COL24A1: variants seen among roughly 807,000 people sequenced by gnomAD.
COL24A1 encodes collagen alpha-1(XXIV) chain.
Under a neutral mutation model 253.9 loss-of-function variants are expected in COL24A1, and 224 were observed. The ratio of observed to expected loss-of-function variants is 0.88; its 90% CI spans 0.79 to 0.99. The LOEUF (loss-of-function observed/expected upper bound fraction) is 0.99. Among genes scored for constraint, COL24A1 ranks in the 50% least tolerant of loss-of-function variants. The pLI, the probability that COL24A1 is intolerant of heterozygous loss-of-function variation, is 0.00. For synonymous variants in COL24A1, 685 were observed against 673.7 expected (o/e 1.02, Z -0.26); for missense variants, 2,131 against 2,068.5 (o/e 1.03, Z -0.59).
intron 39 of COL24A1, among the ~76,000 whole-genome samples, chr1:85,844,331 A>G: frequency 6.6e-6 from 1 of 152,148 alleles, no homozygotes; most frequent in East Asian, 1.9e-4. Flanking sequence ...TCAGGAGAAA[A>G]TAAACTCTGA....
At chr1:86,049,813 T>C (rs550259091) in intron 11 of COL24A1, among the ~76,000 whole-genome samples, 2 of 152,280 alleles carry the variant, frequency 1.3e-5, no homozygotes, top group East Asian at 3.9e-4. Context: ...ACTCTTGACA[T>C]ATACTTTTGT....
At chr1:85,759,617 A>C (rs1666634432) in intron 55 of COL24A1, among the ~76,000 whole-genome samples, 1 of 152,222 alleles carries the variant, frequency 6.6e-6, no homozygotes, top group Admixed American at 6.5e-5. Context: ...GAAAAGAAGG[A>C]AACAAAGAAA....
chr1:86,035,402 A>G (rs1698916419), intron 12 of COL24A1, among the ~76,000 whole-genome samples: 1 of 152,160 alleles, frequency 6.6e-6, no homozygotes. Flanking sequence ...CTGAAACATA[A>G]GAGATGATTG....
intron 2 of COL24A1, among the ~76,000 whole-genome samples, chr1:86,143,712 G>A (rs1651475530): frequency 6.6e-6 from 1 of 152,076 alleles, no homozygotes; most frequent in Non-Finnish European, 1.5e-5. Flanking sequence ...GACAATAGTA[G>A]GAGTGGGTAA....
intron 59 of COL24A1, 31 bp from the exon 60 acceptor site, chr1:85,730,723 G>C (rs202057549): frequency 6.2e-7 from 1 of 1,610,592 alleles, no homozygotes; most frequent in East Asian, 2.2e-5. Context: ...GCTTTCATAC[G>C]CATTTCATTA....
chr1:86,050,943 G>A (rs1220418428), intron 10 of COL24A1, among the ~76,000 whole-genome samples: 1 of 152,124 alleles, frequency 6.6e-6, no homozygotes, highest in African/African-American at 2.4e-5. Flanking sequence ...CTAGATTAAG[G>A]AGAGTCTTAA....
At chr1:85,732,964 G>A (rs1400759713) in intron 59 of COL24A1, among the ~76,000 whole-genome samples, 2 of 152,124 alleles carry the variant, frequency 1.3e-5, no homozygotes, top group Non-Finnish European at 1.5e-5. Context: ...AGCAGGCTGG[G>A]GTCTGGTTGT....
At chr1:86,029,499 C>T (rs533425625) in intron 14 of COL24A1, among the ~76,000 whole-genome samples, 1 of 152,272 alleles carries the variant, frequency 6.6e-6, no homozygotes, top group Admixed American at 6.5e-5. Context: ...TTCTTTGACT[C>T]TAAATCCCAT....
chr1:85,889,855 T>G (rs1682924984), intron 31 of COL24A1, among the ~76,000 whole-genome samples: 1 of 152,034 alleles, frequency 6.6e-6, no homozygotes, highest in Non-Finnish European at 1.5e-5. Flanking sequence ...TTACCAGAAC[T>G]TTTTCATCTT....
At chr1:85,775,436 C>A (rs1668440114) in intron 53 of COL24A1, among the ~76,000 whole-genome samples, 2 of 152,146 alleles carry the variant, frequency 1.3e-5, no homozygotes, top group South Asian at 4.1e-4. Context: ...TGTTAATTTT[C>A]TGTCTCATTG....
chr1:86,104,318 G>A (rs1489360339), intron 5 of COL24A1, among the ~76,000 whole-genome samples: 2 of 151,924 alleles, frequency 1.3e-5, no homozygotes, highest in Non-Finnish European at 2.9e-5. Flanking sequence ...TTGGGTTTGC[G>A]CTTACTGCTG....
intron 26 of COL24A1, among the ~76,000 whole-genome samples, chr1:85,909,011 A>G (rs1344477779): frequency 2.0e-5 from 3 of 151,792 alleles, no homozygotes; most frequent in African/African-American, 7.2e-5. Context: ...TGTGTTATAT[A>G]GGTTATGAAA....
intron 1 of COL24A1, among the ~76,000 whole-genome samples, chr1:86,150,140 C>A (rs1470401564): frequency 1.3e-5 from 2 of 152,182 alleles, no homozygotes; most frequent in South Asian, 2.1e-4. Context: ...TCTCCACTTA[C>A]CATTCTTAAG....
intron 34 of COL24A1, 96 bp downstream of exon 34, chr1:85,875,181 T>A: frequency 1.8e-6 from 2 of 1,087,060 alleles, no homozygotes; most frequent in Non-Finnish European, 1.4e-6. Context: ...TTCCACCTGC[T>A]TTCAAGTTAG....
At chr1:85,972,554 G>A (rs756991817) in intron 20 of COL24A1, among the ~76,000 whole-genome samples, 2 of 152,180 alleles carry the variant, frequency 1.3e-5, no homozygotes, top group Non-Finnish European at 2.9e-5. Flanking sequence ...GGCACATTGT[G>A]TCTTATGCCA....
chr1:85,875,478 T>G (rs1681047837), intron 33 of COL24A1, 148 bp from the exon 34 acceptor site: 1 of 597,174 alleles, frequency 1.7e-6, no homozygotes, highest in Non-Finnish European at 3.0e-6. Context: ...GAGCAGATTC[T>G]TTCTGACACC....
At chr1:85,744,593 A>G (rs1434241605) in intron 57 of COL24A1, 73 bp downstream of exon 57, 3 of 1,302,430 alleles carry the variant, frequency 2.3e-6, no homozygotes, top group Non-Finnish European at 3.2e-6. Context: ...GAGTGAACAC[A>G]TTACAAATCT....
At chr1:86,040,439 A>G (rs991117115) in intron 12 of COL24A1, among the ~76,000 whole-genome samples, 1 of 147,880 alleles carries the variant, frequency 6.8e-6, no homozygotes, top group Non-Finnish European at 1.5e-5. Context: ...AGCATTAGGT[A>G]TATCTCCCAA....
chr1:86,147,411 A>G (rs1240668225), intron 1 of COL24A1, among the ~76,000 whole-genome samples: 1 of 152,250 alleles, frequency 6.6e-6, no homozygotes, highest in Non-Finnish European at 1.5e-5. Context: ...CTCTTATAAG[A>G]CAAGGTTTCG....
Sources: gnomAD v4.1 joint callset for allele counts (sites outside exome capture counted in the v4.1 genomes callset) on GRCh38, gnomAD v4.1.1 for gene constraint, MANE v1.5 for transcripts, NCBI Gene and HGNC (gene_info 2026-07-23, HGNC 2026-07-21) for gene names.